Variants in MRE11 observed in about 807,000 individuals in gnomAD.
MRE11 encodes MRE11 double strand break repair nuclease.
A neutral mutation model predicts 91.7 loss-of-function variants in MRE11; 62 were observed. The observed-to-expected ratio is 0.68, with a 90% CI of 0.55 to 0.84. The LOEUF is 0.84. MRE11 is among the 40% of genes least tolerant of loss of function. The pLI is 0.00. For synonymous variants in MRE11, 273 were observed against 271.4 expected, an observed-to-expected ratio of 1.01 and a Z score of -0.06; for missense variants, 796 against 852.9, an observed-to-expected ratio of 0.93 and a Z score of 0.83.
At chr11:94,430,316 T>C (rs1945430248) in intron 18 of MRE11, among the ~76,000 whole-genome samples, 1 of 152,206 alleles carries the variant, frequency 6.6e-6, no homozygotes, top group Non-Finnish European at 1.5e-5. Flanking sequence ...GAACAGTGCC[T>C]GACACATATT....
chr11:94,462,381 C>A (rs569667353), intron 11 of MRE11, among the ~76,000 whole-genome samples: 2 of 152,236 alleles, frequency 1.3e-5, no homozygotes, highest in South Asian at 4.1e-4. Flanking sequence ...TCAATGCCAT[C>A]CCCATCAAGC....
chr11:94,424,891 G>A (rs1159889800), intron 19 of MRE11, among the ~76,000 whole-genome samples: 1 of 152,066 alleles, frequency 6.6e-6, no homozygotes, highest in Non-Finnish European at 1.5e-5. Context: ...GCATTCCTGA[G>A]AGAGAAGAGA....
At chr11:94,469,793 G>C (rs1172020563) in intron 9 of MRE11, among the ~76,000 whole-genome samples, 1 of 152,106 alleles carries the variant, frequency 6.6e-6, no homozygotes, top group African/African-American at 2.4e-5. Context: ...TATTATCATT[G>C]TTACTATGTT....
chr11:94,466,512 C>T (rs568099619), intron 10 of MRE11: 1 of 531,502 alleles, frequency 1.9e-6, no homozygotes, highest in East Asian at 5.5e-5. Context: ...GGTTGGTGCA[C>T]AAGTAACTGC....
chr11:94,497,330 G>A, upstream of MRE11: 1 of 345,776 alleles, frequency 2.9e-6, no homozygotes, highest in East Asian at 4.5e-5. Context: ...CTTTTATAGA[G>A]TAAGAAATTG....
intron 13 of MRE11, among the ~76,000 whole-genome samples, chr11:94,457,916 C>CCA (rs1410161383): frequency 1.3e-5 from 2 of 151,198 alleles, no homozygotes; most frequent in African/African-American, 4.9e-5. Context: ...CACACACACC[C>CCA]CACACAGACT....
rs189768781 is a variant in MRE11 at position 94,471,201 on chromosome 11, T to G, written c.845+373A>C. ...CCCCAAAAATGTTTTAAAAATGAGA[T>G]CTATTATACTGCACTTATAATCAGA... On this transcript the variant is annotated intron_variant, in intron 8 of 19. Transcript: ENST00000323929. 2.9e-3 allele frequency among the ~76,000 whole-genome samples: 445 copies of G among 152,188 alleles called. 2 individuals carry two copies. The highest frequency in any genetic ancestry group is 9.1e-3 in the African/African-American group (377 of 41,576).
At chr11:94,424,547 G>T (rs779595892) in intron 19 of MRE11, among the ~76,000 whole-genome samples, 2 of 152,180 alleles carry the variant, frequency 1.3e-5, no homozygotes, top group East Asian at 1.9e-4. Flanking sequence ...TTAGAATCTG[G>T]ATGGCAGGGA....
chr11:94,428,940 C>T (rs571247825), intron 19 of MRE11, among the ~76,000 whole-genome samples: 20 of 150,446 alleles, frequency 1.3e-4, no homozygotes, highest in African/African-American at 3.4e-4. Context: ...TCACAAAATA[C>T]GTATCCAACA....
chr11:94,511,077 A>C, the MRE11 span, among the ~76,000 whole-genome samples: 2 of 152,312 alleles, frequency 1.3e-5, no homozygotes, highest in South Asian at 4.1e-4. Flanking sequence ...TTGAAATTCA[A>C]ACTCATGTTA....
intron 18 of MRE11, among the ~76,000 whole-genome samples, chr11:94,435,256 A>C (rs945348726): frequency 6.6e-6 from 1 of 152,230 alleles, no homozygotes; most frequent in African/African-American, 2.4e-5. Flanking sequence ...ACAGTCTTCC[A>C]TTAAGAAAAG....
At chr11:94,466,555 G>T (rs13447640) in intron 10 of MRE11, 4 of 517,270 alleles carry the variant, frequency 7.7e-6, no homozygotes, top group African/African-American at 3.9e-5. Context: ...GACAAAACCC[G>T]CAAATACTTT....
intron 2 of MRE11, among the ~76,000 whole-genome samples, chr11:94,491,924 T>C (rs1947294071): frequency 6.6e-6 from 1 of 152,202 alleles, no homozygotes; most frequent in African/African-American, 2.4e-5. Flanking sequence ...ATACTACATG[T>C]TTCTGTAGCA....
At chr11:94,448,750 G>A (rs7932572) in intron 14 of MRE11, among the ~76,000 whole-genome samples, 4,923 of 151,806 alleles carry the variant, frequency 0.032, 185 homozygotes, top group African/African-American at 0.086. Flanking sequence ...AAAAGACATC[G>A]TGCCACTGCA....
chr11:94,427,802 A>G lies in MRE11; in HGVS notation c.2070+2109T>C, dbSNP rs117387646. Among the ~76,000 whole-genome samples the G allele has an allele frequency of 4.9e-3, 749 of 152,344 alleles. 6 individuals carry two copies. The highest frequency in any genetic ancestry group is 9.7e-3 in the Admixed American group (148 of 15,304). On this transcript the variant is annotated intron_variant, in intron 19 of 19. Coordinates refer to ENST00000323929, the MANE Select transcript of MRE11 (RefSeq NM_005591.4). ...CACAATCCCATTTACAATAGCTACA[A>G]AGAAAATTAAATACATAGCTATATA...
At position 94,418,791 on chromosome 11, in the gene MRE11, G is replaced by C. The variant is rs1210547173; in HGVS notation, c.*1334C>G. 1 of 231,888 alleles carries C rather than the reference G, an allele frequency of 4.3e-6. No homozygotes were observed. The highest frequency in any genetic ancestry group is 8.5e-6 in the Non-Finnish European group (1 of 117,318). The allele number at this position is 231,888 out of a possible 1,614,324, so 14.4% of individuals were successfully genotyped here. A position where few individuals can be genotyped will look rare whatever the true frequency, so the allele number is the denominator to read the frequency against. ...AACCCTTATGCTCAAGTTAGGTACA[G>C]AAAAAATATTTTTAAGAAAGTCAAT... On this transcript the variant is annotated 3_prime_UTR_variant, in exon 20 of 20. Transcript: ENST00000323929.
Position 94,419,973 on chromosome 11 carries a change from A to C in MRE11, c.*152T>G. ...CAACCAGGTTAAAAAAACAAGGTGAATCAATGCTATTGTATGTCTGTGAAC... is the reference window on the plus strand; with the variant it reads ...CAACCAGGTTAAAAAAACAAGGTGACTCAATGCTATTGTATGTCTGTGAAC... On this transcript the variant is annotated 3_prime_UTR_variant, in exon 20 of 20. Transcript: ENST00000323929. The C allele has an allele frequency of 1.8e-6, 1 of 556,514 alleles. No individual in the cohort carries two copies. The allele number at this position is 556,514 out of a possible 1,614,324, so 34.5% of individuals were successfully genotyped here.
At chr11:94,458,239 G>A (rs185482490) in intron 13 of MRE11, among the ~76,000 whole-genome samples, 7 of 151,184 alleles carry the variant, frequency 4.6e-5, no homozygotes, top group Non-Finnish European at 8.8e-5. Context: ...GAGAATCTGG[G>A]AAATAGAGAA....
chr11:94,424,556 G>A (rs983215859), intron 19 of MRE11, among the ~76,000 whole-genome samples: 5 of 152,156 alleles, frequency 3.3e-5, no homozygotes, highest in African/African-American at 9.7e-5. Flanking sequence ...GGATGGCAGG[G>A]AAGCTCATCA....
Sources: allele counts gnomAD v4.1 joint callset (sites outside exome capture counted in the v4.1 genomes callset), GRCh38; gene constraint gnomAD v4.1.1; transcripts MANE v1.5; gene names NCBI Gene and HGNC (gene_info 2026-07-23, HGNC 2026-07-21).